Variants in NPHP3 observed in about 807,000 individuals in gnomAD.
The protein encoded by NPHP3 is nephrocystin-3.
In NPHP3, 123 loss-of-function variants were observed where a neutral mutation model predicts 171.9. The observed-to-expected ratio is 0.72, with a 90% CI of 0.62 to 0.83. NPHP3 has a LOEUF of 0.83. Among genes scored for constraint, NPHP3 ranks in the 40% least tolerant of loss-of-function variants. The probability of loss-of-function intolerance (pLI) is 0.00; values close to 1 mark genes in which losing one functional copy is unlikely to be tolerated. For synonymous variants in NPHP3, 558 were observed against 579.2 expected, an observed-to-expected ratio of 0.96 and a Z score of 0.52; for missense variants, 1,506 against 1,591.9, an observed-to-expected ratio of 0.95 and a Z score of 0.92.
intron 24 of NPHP3, among the ~76,000 whole-genome samples, chr3:132,684,114 T>G (rs1252233592): frequency 6.6e-6 from 1 of 152,194 alleles, no homozygotes; most frequent in African/African-American, 2.4e-5. Context: ...ATGGTTACAT[T>G]TAATTACAGG....
intron 9 of NPHP3, among the ~76,000 whole-genome samples, chr3:132,703,584 T>C (rs910209437): frequency 1.3e-5 from 2 of 150,396 alleles, no homozygotes; most frequent in African/African-American, 4.9e-5. Flanking sequence ...TCTTTCTTTT[T>C]TTTTTTTTTT....
chr3:132,701,384 G>A, intron 10 of NPHP3, 46 bp downstream of exon 10: 3 of 1,302,162 alleles, frequency 2.3e-6, no homozygotes, highest in Non-Finnish European at 3.3e-6. Flanking sequence ...AATAGATTCA[G>A]TAATTCAAAC....
chr3:132,701,589 A>C (rs1939607423), intron 9 of NPHP3, 56 bp from the exon 10 acceptor site: 1 of 1,069,008 alleles, frequency 9.4e-7, no homozygotes, highest in Non-Finnish European at 1.5e-6. Context: ...GAGACTACTG[A>C]AGAGTCAACT....
rs1246162132 is a variant in NPHP3 at position 132,680,764 on chromosome 3, G to A, written c.*1146C>T. ...GGTCCAAAACAATATCTAAAATGTTGCAATATTTATAAAATCCATAAAAAT... is the reference window on the plus strand; with the variant it reads ...GGTCCAAAACAATATCTAAAATGTTACAATATTTATAAAATCCATAAAAAT... On this transcript the variant is annotated 3_prime_UTR_variant, in exon 27 of 27. Transcript: ENST00000337331. The A allele has an allele frequency of 2.0e-5, 3 of 151,900 alleles. No homozygotes were observed. Among genetic ancestry groups the A allele is most frequent in the South Asian group, 2.1e-4 (1 of 4,814 alleles). 9.4% of individuals were successfully genotyped at this position (151,900 alleles called of 1,614,324 possible). A position where few individuals can be genotyped will look rare whatever the true frequency, so the allele number is the denominator to read the frequency against.
intron 26 of NPHP3, chr3:132,682,392 G>A: frequency 1.8e-6 from 1 of 549,158 alleles, no homozygotes; most frequent in East Asian, 3.2e-5. Context: ...GCAAGCAAAA[G>A]TCAACATATA....
chr3:132,689,080 G>A lies in NPHP3; in HGVS notation c.2877C>T (p.Leu959=). 4 of 1,614,108 alleles carry A rather than the reference G, an allele frequency of 2.5e-6. No homozygotes were observed. The highest frequency in any genetic ancestry group is 3.4e-6 in the Non-Finnish European group (4 of 1,179,984). Reference sequence around the variant, plus strand: ...ATTGATCTGCTGAGCTTACCTGACTGAGAAGGCCTAGATCCTTGAGAAATC... The same window carrying A: ...ATTGATCTGCTGAGCTTACCTGACTAAGAAGGCCTAGATCCTTGAGAAATC... The part of the protein sequence containing the change: ...LGRFLKDLGL[L]SQAIVPLQRS... The change falls in exon 20 of 27, where the codon CTC becomes CTT. Residue 959 remains leucine, a synonymous_variant. Coordinates refer to ENST00000337331, the MANE Select transcript of NPHP3 (RefSeq NM_153240.5).
chr3:132,712,453 G>C (rs1191311784), intron 6 of NPHP3: 1 of 456,828 alleles, frequency 2.2e-6, no homozygotes, highest in Non-Finnish European at 4.4e-6. Context: ...TGCTATTATA[G>C]TATGAAGGCA....
In NPHP3 at chr3:132,708,091, T is replaced by C. The variant is rs369479760; in HGVS notation, c.1275+10A>G. ...TAAGTGTGTTTTTCAAAAATGCCTA[T>C]GAATTTTACCTTGGCTTTGCTGGTC... On this transcript the variant is annotated intron_variant, in intron 7 of 26. Coordinates refer to ENST00000337331, the MANE Select transcript of NPHP3 (RefSeq NM_153240.5). 21 of 1,613,812 alleles carry C rather than the reference T, an allele frequency of 1.3e-5. No individual in the cohort carries two copies. The highest frequency in any genetic ancestry group is 1.7e-5 in the Non-Finnish European group (20 of 1,179,852).
At chr3:132,718,853 C>T (rs1940126042) in intron 3 of NPHP3, 141 bp downstream of exon 3, 3 of 809,482 alleles carry the variant, frequency 3.7e-6, no homozygotes, top group Non-Finnish European at 6.1e-6. Context: ...ACAGAGAGAA[C>T]ACACGACACT....
chr3:132,695,882 C>T (rs1279246177), intron 15 of NPHP3, among the ~76,000 whole-genome samples: 10 of 152,074 alleles, frequency 6.6e-5, no homozygotes, highest in Non-Finnish European at 1.0e-4. Flanking sequence ...TACAGTGAGC[C>T]GAGATCAAGC....
intron 5 of NPHP3, among the ~76,000 whole-genome samples, chr3:132,713,930 T>C (rs184437035): frequency 8.5e-5 from 13 of 152,374 alleles, no homozygotes; most frequent in African/African-American, 2.6e-4. Context: ...GATGTTAATA[T>C]AGCAGGTATA....
At position 132,697,313 on chromosome 3, in the gene NPHP3, A is replaced by C. The variant is rs767716649; in HGVS notation, c.2035T>G (p.Ser679Ala). Residue 679 changes from serine to alanine, a missense_variant, in exon 14 of 27, where the codon TCT (serine) becomes GCT (alanine). Transcript: ENST00000337331. ...LDPLSPKDAKSIIIAECHSVD... is the reference protein window; with the variant it reads ...LDPLSPKDAKAIIIAECHSVD... ...GAGTGGCATTCTGCAATTATAATAG[A>C]TTTTGCATCTTTTGGACTTAAGGGA... is the stretch of plus-strand genomic sequence containing the variant. The C allele has an allele frequency of 1.2e-6, 2 of 1,612,676 alleles. No homozygotes were observed. Among genetic ancestry groups the C allele is most frequent in the Non-Finnish European group, 1.7e-6 (2 of 1,179,620 alleles).
rs906658789 is a variant in NPHP3, at chr3:132,721,868, TC to T, written c.393+94del. The T allele has an allele frequency of 4.6e-5, 67 of 1,459,462 alleles. 3 individuals are homozygous for T. The Admixed American group carries it at 1.2e-3, about 27-fold the overall frequency. 90.4% of individuals were successfully genotyped at this position (1,459,462 alleles called of 1,614,324 possible). ...GCCTCTCAAATTAAAATGGGCAGTT[TC>T]CGCCGAACTTTCAAAGCCGCTTGGT... On this transcript the variant is annotated intron_variant, in intron 1 of 26. Transcript: ENST00000337331.
chr3:132,721,885 G>A, intron 1 of NPHP3, 78 bp downstream of exon 1: 1 of 1,554,632 alleles, frequency 6.4e-7, no homozygotes, highest in South Asian at 1.1e-5. Flanking sequence ...AACTTTCAAA[G>A]CCGCTTGGTT....
Position 132,688,771 on chromosome 3 carries a change from CA to C in NPHP3, c.3003del (p.Phe1001LeufsTer61), listed in dbSNP as rs1560002113. 63 of 1,614,086 alleles carry C rather than the reference CA, an allele frequency of 3.9e-5. No individual in the cohort carries two copies. Among genetic ancestry groups the C allele is most frequent in the Non-Finnish European group, 5.3e-5 (62 of 1,179,998 alleles). ...TGTTTATACAGTTGTTCTGCATTGC[CA>C]AACTTCTTCCACTGCACGTATACAC... The part of the protein sequence containing the change: ...LASVYVQWKK[F>X]GNAEQLYKQA... On this transcript the variant is annotated frameshift_variant, in exon 21 of 27. Coordinates refer to ENST00000337331, the MANE Select transcript of NPHP3 (RefSeq NM_153240.5). LOFTEE classifies it high-confidence loss of function.
chr3:132,691,032 C>A (rs1182658331), intron 18 of NPHP3, among the ~76,000 whole-genome samples, 160 bp downstream of exon 18: 1 of 152,146 alleles, frequency 6.6e-6, no homozygotes, highest in Admixed American at 6.5e-5. Flanking sequence ...ACAAAATCAT[C>A]TTTTGCTCTT....
intron 17 of NPHP3, 48 bp downstream of exon 17, chr3:132,692,606 C>A (rs1289253129): frequency 6.5e-7 from 1 of 1,542,970 alleles, no homozygotes; most frequent in East Asian, 2.3e-5. Context: ...ACAGAGAAGA[C>A]CCTGTTTCTT....
Position 132,686,240 on chromosome 3 carries a change from A to G in NPHP3, c.3329+20T>C, listed in dbSNP as rs1315392292. 6.2e-7 allele frequency: 1 copy of G among 1,610,780 alleles called. No homozygotes were observed. Among genetic ancestry groups the G allele is most frequent in the Non-Finnish European group, 8.5e-7 (1 of 1,177,154 alleles). On this transcript the variant is annotated intron_variant, in intron 23 of 26. Transcript: ENST00000337331. ...GAGAAAATGGTTAATTATTTTCATT[A>G]TTAACCCCATGGTACTCACTCCAGG...
In NPHP3 at chr3:132,700,065, CAAGAT is replaced by C. The variant is rs1168241413; in HGVS notation, c.1744-9_1744-5del. On this transcript the variant is annotated splice_region_variant and splice_polypyrimidine_tract_variant and intron_variant, in intron 11 of 26. Transcript: ENST00000337331. The stretch of plus-strand genomic sequence containing the variant: ...CTGACCAAGAGTGCTGCATCAACTA[CAAGAT>C]AAGAACACACACAAACTGAAGTAGT... 4 of 1,613,902 alleles carry C rather than the reference CAAGAT, an allele frequency of 2.5e-6. No individual in the cohort carries two copies. In the African/African-American group the frequency reaches 5.3e-5, roughly 22 times the overall value.
Sources: gnomAD v4.1 joint callset for allele counts (sites outside exome capture counted in the v4.1 genomes callset) on GRCh38, gnomAD v4.1.1 for gene constraint, MANE v1.5 for transcripts, NCBI Gene and HGNC (gene_info 2026-07-23, HGNC 2026-07-21) for gene names.